CACNA1D: variants seen among roughly 807,000 people sequenced by gnomAD.
CACNA1D encodes the protein voltage-dependent L-type calcium channel subunit alpha-1D.
Under a neutral mutation model 257.1 loss-of-function variants are expected in CACNA1D, and 55 were observed. The ratio of observed to expected loss-of-function variants is 0.21; its 90% CI spans 0.17 to 0.27. The LOEUF is 0.27. Among genes scored for constraint, CACNA1D ranks in the 10% least tolerant of loss-of-function variants. The pLI is 1.00. For missense variants in CACNA1D, 1,876 were observed against 2,784.0 expected, an observed-to-expected ratio of 0.67 and a Z score of 7.34; for synonymous variants, 980 against 1,014.9, an observed-to-expected ratio of 0.97 and a Z score of 0.65.
intron 4 of CACNA1D, among the ~76,000 whole-genome samples, chr3:53,655,805 G>T (rs937244697): frequency 6.6e-6 from 1 of 152,090 alleles, no homozygotes; most frequent in African/African-American, 2.4e-5. Context: ...GTCAGGTTTT[G>T]CTTTTGTTGT....
intron 8 of CACNA1D, among the ~76,000 whole-genome samples, chr3:53,700,978 G>A (rs2094619905): frequency 6.6e-6 from 1 of 151,528 alleles, no homozygotes; most frequent in South Asian, 2.1e-4. Flanking sequence ...TGTCTGAGTG[G>A]GATTCTTTCT....
chr3:53,762,762 CT>C, intron 30 of CACNA1D: 1 of 375,244 alleles, frequency 2.7e-6, no homozygotes, highest in Admixed American at 3.2e-5. Context: ...TTTTGAAAGA[CT>C]AAGGATAATT....
In CACNA1D at chr3:53,521,962, C is replaced by CAA. The variant is rs34352856; in HGVS notation, c.483+20257_483+20258dup. On this transcript the variant is annotated intron_variant, in intron 3 of 47. Coordinates refer to ENST00000350061, the MANE Select transcript of CACNA1D (RefSeq NM_001128840.3). ...AAACATAGTGAGACCCCATCTCTAC[C>CAA]AAAAAAAAAAAAAAAAGAAATTAGC... Among the ~76,000 whole-genome samples the CAA allele has an allele frequency of 8.7e-3, 1,097 of 125,468 alleles. 77 individuals carry two copies. In the South Asian group the frequency reaches 0.16, roughly 19 times the overall value. 82.3% of individuals were successfully genotyped at this position (125,468 alleles called of 152,430 possible). A position where few individuals can be genotyped will look rare whatever the true frequency, so the allele number is the denominator to read the frequency against.
rs2094892231 is a variant in CACNA1D, at chr3:53,722,487, G to T, written c.1666+13G>T. 7.4e-6 allele frequency: 12 copies of T among 1,613,764 alleles called. No homozygotes were observed. The highest frequency in any genetic ancestry group is 1.0e-5 in the Non-Finnish European group (12 of 1,179,780). On this transcript the variant is annotated intron_variant, in intron 12 of 47. Coordinates refer to ENST00000350061, the MANE Select transcript of CACNA1D (RefSeq NM_001128840.3). ...ACACAGATTCAAGGTACAAGCAGAG[G>T]CCATTCCTTTTTTGTTCTGAACTAG...
intron 25 of CACNA1D, among the ~76,000 whole-genome samples, chr3:53,746,339 C>G (rs897964351): frequency 1.3e-5 from 2 of 152,154 alleles, no homozygotes; most frequent in Admixed American, 6.6e-5. Flanking sequence ...ACTTTCTAGA[C>G]TTCCTCTCTC....
chr3:53,748,979 C>T, intron 26 of CACNA1D: 1 of 521,248 alleles, frequency 1.9e-6, no homozygotes, highest in Non-Finnish European at 3.5e-6. Context: ...TGATATTCTT[C>T]CTCTCTGAAT....
chr3:53,546,401 C>T lies in CACNA1D; in HGVS notation c.483+44681C>T, dbSNP rs80261530. On this transcript the variant is annotated intron_variant, in intron 3 of 47. Coordinates refer to ENST00000350061, the MANE Select transcript of CACNA1D (RefSeq NM_001128840.3). Reference sequence around the variant, plus strand: ...GTAGGGTTCCCCAAACCAAACTGTCCAGACTTTTCTGTATTGACATTGAGT... The same window carrying T: ...GTAGGGTTCCCCAAACCAAACTGTCTAGACTTTTCTGTATTGACATTGAGT... Among the ~76,000 whole-genome samples the T allele has an allele frequency of 3.0e-4, 46 of 152,246 alleles. 1 individual carries two copies. In the East Asian group the frequency reaches 7.9e-3, roughly 26 times the overall value.
At chr3:53,773,927 A>T (rs2095381632) in intron 33 of CACNA1D, 3 of 152,544 alleles carry the variant, frequency 2.0e-5, no homozygotes, top group African/African-American at 7.2e-5. Flanking sequence ...TTTCTCTAGA[A>T]TGTCAGTCTG....
At chr3:53,715,310 CT>C in intron 9 of CACNA1D, among the ~76,000 whole-genome samples, 1 of 152,242 alleles carries the variant, frequency 6.6e-6, no homozygotes, top group Admixed American at 6.5e-5. Flanking sequence ...GCCTGTGGCT[CT>C]TTAGGTGTCA....
chr3:53,579,028 A>G (rs2093086494), intron 3 of CACNA1D, among the ~76,000 whole-genome samples: 1 of 152,210 alleles, frequency 6.6e-6, no homozygotes, highest in South Asian at 2.1e-4. Flanking sequence ...GCCTGTGGCC[A>G]GGCCCGAGCA....
intron 33 of CACNA1D, 104 bp downstream of exon 33, chr3:53,773,002 C>T: frequency 1.0e-6 from 1 of 964,936 alleles, no homozygotes. Flanking sequence ...TGTGATTTTT[C>T]AGCCAAATGC....
chr3:53,545,061 A>G (rs1003452267), intron 3 of CACNA1D, among the ~76,000 whole-genome samples: 1 of 152,220 alleles, frequency 6.6e-6, no homozygotes, highest in African/African-American at 2.4e-5. Flanking sequence ...GATCCTTCCC[A>G]TTGTATTCAC....
chr3:53,725,322 A>G (rs546639693), intron 14 of CACNA1D, among the ~76,000 whole-genome samples: 15 of 152,220 alleles, frequency 9.9e-5, no homozygotes, highest in Non-Finnish European at 1.6e-4. Context: ...ATGCGGTGGT[A>G]GATGTGCCGT....
rs1386776082 is a variant in CACNA1D at position 53,497,363 on chromosome 3, A to G, written c.279A>G (p.Lys93=). ...RKRQQYAKSK[K]QGNSSNSRPA... is the part of the protein sequence containing the mutation. ...GTCAGCAATACGCCAAGAGCAAAAA[A>G]CAGGGTAACTCGTCCAACAGCCGAC... Residue 93 remains lysine, a synonymous_variant, in exon 2 of 48, where the codon AAA becomes AAG. Transcript: ENST00000350061. 2.5e-6 allele frequency: 4 copies of G among 1,614,054 alleles called. No homozygotes were observed. The highest frequency in any genetic ancestry group is 2.5e-6 in the Non-Finnish European group (3 of 1,180,038).
At chr3:53,692,256 C>T (rs2094535675) in intron 8 of CACNA1D, among the ~76,000 whole-genome samples, 1 of 152,014 alleles carries the variant, frequency 6.6e-6, no homozygotes, top group African/African-American at 2.4e-5. Context: ...AAACCAATTG[C>T]AGGACTGTGA....
chr3:53,803,590 C>T lies in CACNA1D; in HGVS notation c.5585+18C>T, dbSNP rs753414021. 4.3e-6 allele frequency: 7 copies of T among 1,612,790 alleles called. No homozygotes were observed. The African/African-American group carries it at 5.3e-5, about 12-fold the overall frequency. On this transcript the variant is annotated intron_variant, in intron 44 of 47. Transcript: ENST00000350061. ...TGGAGCAGGTGAGCTGCTCTGGCTC[C>T]TGTGGAGAGCGGGAGGCCGCCCTGC... is the stretch of plus-strand genomic sequence containing the variant.
chr3:53,545,371 C>T (rs2092389430), intron 3 of CACNA1D, among the ~76,000 whole-genome samples: 1 of 152,228 alleles, frequency 6.6e-6, no homozygotes, highest in African/African-American at 2.4e-5. Context: ...GGCCATGGAG[C>T]TCGTGAGAGA....
intron 8 of CACNA1D, among the ~76,000 whole-genome samples, chr3:53,689,336 A>G (rs1017563819): frequency 6.0e-5 from 9 of 150,172 alleles, no homozygotes; most frequent in African/African-American, 2.2e-4. Context: ...ATACCCACTG[A>G]GAGAGGCAGG....
chr3:53,770,217 T>G (rs1444636757), intron 31 of CACNA1D, among the ~76,000 whole-genome samples, 200 bp downstream of exon 31: 1 of 152,230 alleles, frequency 6.6e-6, no homozygotes, highest in African/African-American at 2.4e-5. Context: ...TACGTGGACA[T>G]GCATGTGCTG....
Sources: gnomAD v4.1 joint callset for allele counts (sites outside exome capture counted in the v4.1 genomes callset) on GRCh38, gnomAD v4.1.1 for gene constraint, MANE v1.5 for transcripts, NCBI Gene and HGNC (gene_info 2026-07-23, HGNC 2026-07-21) for gene names.